ZBTB16: variants seen among roughly 807,000 people sequenced by gnomAD.
The protein encoded by ZBTB16 is zinc finger and BTB domain containing 16, also known as zinc finger and BTB domain-containing protein 16.
In ZBTB16, 8 loss-of-function variants were observed where a neutral mutation model predicts 56.8. That is an observed-to-expected ratio of 0.14 (90% CI 0.08 to 0.25). ZBTB16 has a LOEUF of 0.25. ZBTB16 is among the 10% of genes least tolerant of loss of function. ZBTB16 has a pLI of 1.00. For missense variants in ZBTB16, 625 were observed against 903.0 expected (o/e 0.69, Z 3.95); for synonymous variants, 363 against 368.5 (o/e 0.98, Z 0.17).
intron 4 of ZBTB16, among the ~76,000 whole-genome samples, chr11:114,211,829 G>A (rs774285676): frequency 3.3e-5 from 5 of 152,280 alleles, no homozygotes; most frequent in East Asian, 3.9e-4. Context: ...GCTGTAAAAC[G>A]AGATGGTCAA....
intron 3 of ZBTB16, among the ~76,000 whole-genome samples, chr11:114,164,766 T>C (rs775373440): frequency 4.6e-5 from 7 of 152,150 alleles, no homozygotes; most frequent in Non-Finnish European, 1.0e-4. Context: ...GGCCCCACCC[T>C]GCTTTGGGCA....
Position 114,119,903 on chromosome 11 carries a change from C to T in ZBTB16, c.1269-36434C>T, listed in dbSNP as rs114478991. On this transcript the variant is annotated intron_variant, in intron 2 of 6. Coordinates refer to ENST00000335953, the MANE Select transcript of ZBTB16 (RefSeq NM_006006.6). ...TGCAGCTTTTCCCACTTCCATGGCA[C>T]GCTGCCTCCTTCTAGCATTCAGTGA... is the stretch of plus-strand genomic sequence containing the variant. 4.7e-3 allele frequency among the ~76,000 whole-genome samples: 718 copies of T among 152,326 alleles called. 9 individuals carry two copies. The highest frequency in any genetic ancestry group is 0.016 in the African/African-American group (686 of 41,578).
At chr11:114,207,499 T>A (rs975618904) in intron 4 of ZBTB16, among the ~76,000 whole-genome samples, 2 of 151,864 alleles carry the variant, frequency 1.3e-5, no homozygotes, top group Non-Finnish European at 2.9e-5. Context: ...CACTTAGAAT[T>A]TCCCAGACTC....
At position 114,247,192 on chromosome 11, in the gene ZBTB16, C is replaced by A. The variant is rs201291157; in HGVS notation, c.1625-6C>A. On this transcript the variant is annotated splice_region_variant and splice_polypyrimidine_tract_variant and intron_variant, in intron 5 of 6. Coordinates refer to ENST00000335953, the MANE Select transcript of ZBTB16 (RefSeq NM_006006.6). Reference sequence around the variant, plus strand: ...AAAGGCCTGATCCAGCCCCTTGTCTCCACAGGCGACCACCCCTACGAGTGT... The same window carrying A: ...AAAGGCCTGATCCAGCCCCTTGTCTACACAGGCGACCACCCCTACGAGTGT... The A allele has an allele frequency of 3.1e-6, 5 of 1,614,106 alleles. No homozygotes were observed. The highest frequency in any genetic ancestry group is 4.2e-6 in the Non-Finnish European group (5 of 1,180,060).
intron 4 of ZBTB16, among the ~76,000 whole-genome samples, chr11:114,205,137 C>T (rs1377708117): frequency 1.3e-5 from 2 of 152,060 alleles, no homozygotes; most frequent in Non-Finnish European, 2.9e-5. Flanking sequence ...CGGCCGGGCG[C>T]GGTGGCTTAT....
intron 2 of ZBTB16, among the ~76,000 whole-genome samples, chr11:114,144,594 A>G (rs1451624156): frequency 2.0e-5 from 3 of 152,158 alleles, no homozygotes; most frequent in African/African-American, 7.2e-5. Flanking sequence ...GCTGTGGGAC[A>G]CCATGCCCAC....
intron 5 of ZBTB16, among the ~76,000 whole-genome samples, chr11:114,245,458 G>T (rs526484): frequency 0.36 from 55,294 of 151,982 alleles, 10,620 homozygotes; most frequent in East Asian, 0.49. Flanking sequence ...TCACTGATCA[G>T]ACCCCAGCAT....
intron 4 of ZBTB16, among the ~76,000 whole-genome samples, chr11:114,237,949 G>A (rs546241794): frequency 3.6e-4 from 55 of 152,274 alleles, no homozygotes; most frequent in African/African-American, 1.2e-3. Context: ...TGGTGGATAC[G>A]TGACCAAGGA....
intron 2 of ZBTB16, among the ~76,000 whole-genome samples, chr11:114,135,319 A>G (rs1166247343): frequency 6.6e-6 from 1 of 152,198 alleles, no homozygotes; most frequent in Non-Finnish European, 1.5e-5. Context: ...GTGACTCCCT[A>G]AAGATGTCAT....
rs1211838309 is a variant in ZBTB16 at position 114,209,983 on chromosome 11, T to A, written c.1453+22945T>A. 3.1e-6 allele frequency: 3 copies of A among 982,906 alleles called. No homozygotes were observed. The African/African-American group carries it at 5.2e-5, about 17-fold the overall frequency. The allele number at this position is 982,906 out of a possible 1,614,324, so 60.9% of individuals were successfully genotyped here. The stretch of plus-strand genomic sequence containing the variant: ...TGCTGCTACTTATTAGGAGCAAGAC[T>A]TCAGACAAGTTGCTTGTCCTTTCAG... On this transcript the variant is annotated intron_variant, in intron 4 of 6. Coordinates refer to ENST00000335953, the MANE Select transcript of ZBTB16 (RefSeq NM_006006.6).
chr11:114,105,047 C>T (rs1471088527), intron 2 of ZBTB16, among the ~76,000 whole-genome samples: 1 of 152,172 alleles, frequency 6.6e-6, no homozygotes. Context: ...GGCACATTTG[C>T]AAAACAATAG....
chr11:114,247,492 A>G lies in ZBTB16; in HGVS notation c.1792+127A>G, dbSNP rs796801227. 1.9e-5 allele frequency: 26 copies of G among 1,364,754 alleles called. No homozygotes were observed. In the African/African-American group the frequency reaches 3.2e-4, roughly 17 times the overall value. 84.5% of individuals were successfully genotyped at this position (1,364,754 alleles called of 1,614,324 possible). A position where few individuals can be genotyped will look rare whatever the true frequency, so the allele number is the denominator to read the frequency against. On this transcript the variant is annotated intron_variant, in intron 6 of 6. Coordinates refer to ENST00000335953, the MANE Select transcript of ZBTB16 (RefSeq NM_006006.6). ...TGAATCAAAGAGTAGAAGAGGTTCT[A>G]TTAAGAGCTGGTATGGTGGCCTGAG...
At chr11:114,083,443 T>TCTCA (rs1191453783) in intron 2 of ZBTB16, among the ~76,000 whole-genome samples, 1 of 152,176 alleles carries the variant, frequency 6.6e-6, no homozygotes, top group Non-Finnish European at 1.5e-5. Flanking sequence ...TGCCCACTTG[T>TCTCA]CTCACGTCCC....
chr11:114,237,873 C>T (rs1302618506), intron 4 of ZBTB16, among the ~76,000 whole-genome samples: 1 of 152,130 alleles, frequency 6.6e-6, no homozygotes, highest in Non-Finnish European at 1.5e-5. Context: ...AGTTTCTAAG[C>T]AGAAAAATGG....
At chr11:114,123,606 G>A (rs1442990483) in intron 2 of ZBTB16, among the ~76,000 whole-genome samples, 2 of 152,134 alleles carry the variant, frequency 1.3e-5, no homozygotes, top group African/African-American at 2.4e-5. Context: ...GTTCCTGTTG[G>A]CTGTGAACAC....
intron 4 of ZBTB16, 133 bp from the exon 5 acceptor site, chr11:114,242,034 C>A (rs1944715885): frequency 1.7e-6 from 2 of 1,202,090 alleles, no homozygotes; most frequent in South Asian, 1.3e-5. Context: ...ATAGCCTGGG[C>A]CCACTCTGGA....
chr11:114,091,801 C>T (rs1446309281), intron 2 of ZBTB16, among the ~76,000 whole-genome samples: 1 of 152,032 alleles, frequency 6.6e-6, no homozygotes, highest in Non-Finnish European at 1.5e-5. Flanking sequence ...CTTGGCTGGA[C>T]AAAGAGAACA....
At position 114,148,432 on chromosome 11, in the gene ZBTB16, T is replaced by TGTCTGTCTGTCC. The variant is rs1942185485; in HGVS notation, c.1269-7905_1269-7904insGTCTGTCTGTCC. ...CCCTCCCTCCCTCCCTCCCTCTCTC[T>TGTCTGTCTGTCC]CTCTTTCTCTCTCTCTGTCTGTCTG... is the stretch of plus-strand genomic sequence containing the variant. On this transcript the variant is annotated intron_variant, in intron 2 of 6. Coordinates refer to ENST00000335953, the MANE Select transcript of ZBTB16 (RefSeq NM_006006.6). Among the ~76,000 whole-genome samples the TGTCTGTCTGTCC allele has an allele frequency of 5.3e-4, 39 of 73,750 alleles. 1 individual carries two copies. Among genetic ancestry groups the TGTCTGTCTGTCC allele is most frequent in the Admixed American group, 1.6e-3 (11 of 6,840 alleles). 48.4% of individuals were successfully genotyped at this position (73,750 alleles called of 152,430 possible). A position where few individuals can be genotyped will look rare whatever the true frequency, so the allele number is the denominator to read the frequency against.
At chr11:114,156,288 T>G in intron 2 of ZBTB16, 49 bp from the exon 3 acceptor site, 6 of 1,602,486 alleles carry the variant, frequency 3.7e-6, no homozygotes, top group Non-Finnish European at 5.1e-6. Flanking sequence ...TGGCCCTGCC[T>G]CTTGTCCAGC....
Sources: allele counts gnomAD v4.1 joint callset (sites outside exome capture counted in the v4.1 genomes callset), GRCh38; gene constraint gnomAD v4.1.1; transcripts MANE v1.5; gene names NCBI Gene and HGNC (gene_info 2026-07-23, HGNC 2026-07-21).